The following FHIT variants were observed in gnomAD, a reference collection of about 807,000 sequenced individuals.
FHIT encodes the protein bis(5'-adenosyl)-triphosphatase.
A neutral mutation model predicts 17.9 loss-of-function variants in FHIT; 19 were observed. The observed-to-expected ratio is 1.06, with a 90% CI of 0.74 to 1.56. FHIT has a LOEUF of 1.56. Among genes scored for constraint, FHIT ranks in the 40% most tolerant of loss-of-function variants. The pLI is 0.00. For synonymous variants in FHIT, 81 were observed against 69.7 expected (o/e 1.16, Z -0.81); for missense variants, 248 against 189.2 (o/e 1.31, Z -1.82).
chr3:60,867,787 C>G (rs1553754172), intron 3 of FHIT, among the ~76,000 whole-genome samples: 1 of 152,204 alleles, frequency 6.6e-6, no homozygotes, highest in African/African-American at 2.4e-5. Flanking sequence ...CAGCCTGGGT[C>G]TATCTGAATG....
At position 60,168,200 on chromosome 3, in the gene FHIT, T is replaced by C. The variant is rs59992755; in HGVS notation, c.104-154048A>G. ...AATAAACACTTGAAAGAATTGCCTG[T>C]TGGATGAATGAATGAAACAAGAGAC... On this transcript the variant is annotated intron_variant, in intron 5 of 9. Coordinates refer to ENST00000492590, the MANE Select transcript of FHIT (RefSeq NM_002012.4). Among the ~76,000 whole-genome samples the C allele has an allele frequency of 6.6e-3, 999 of 152,272 alleles. 11 individuals are homozygous for C. The highest frequency in any genetic ancestry group is 0.023 in the African/African-American group (945 of 41,548).
At chr3:61,054,719 A>C (rs12107986) in intron 2 of FHIT, among the ~76,000 whole-genome samples, 4 of 152,020 alleles carry the variant, frequency 2.6e-5, no homozygotes, top group Non-Finnish European at 5.9e-5. Flanking sequence ...CTAAGAGAAC[A>C]CTGGTCTCCT....
intron 5 of FHIT, among the ~76,000 whole-genome samples, chr3:60,500,756 G>A (rs1340220410): frequency 8.5e-6 from 1 of 117,228 alleles, no homozygotes; most frequent in East Asian, 2.7e-4. Context: ...CTGGGTGACA[G>A]AGTGAGCATC....
chr3:60,814,462 A>G (rs1332845792), intron 4 of FHIT, among the ~76,000 whole-genome samples: 4 of 152,074 alleles, frequency 2.6e-5, no homozygotes, highest in Non-Finnish European at 4.4e-5. Flanking sequence ...TGTGGCATTT[A>G]GTTTTCTGTT....
chr3:61,154,897 A>G (rs925423733), intron 2 of FHIT, among the ~76,000 whole-genome samples: 2 of 152,180 alleles, frequency 1.3e-5, no homozygotes, highest in South Asian at 2.1e-4. Flanking sequence ...TCAATAGCTT[A>G]TCTATTCCCT....
chr3:60,746,379 T>C (rs2042356939), intron 4 of FHIT, among the ~76,000 whole-genome samples: 1 of 152,230 alleles, frequency 6.6e-6, no homozygotes, highest in Non-Finnish European at 1.5e-5. Context: ...AACACATTTA[T>C]TTTGAAAATG....
Position 59,810,754 on chromosome 3 carries a change from C to G in FHIT, c.349-58433G>C, listed in dbSNP as rs114003025. Among the ~76,000 whole-genome samples, 550 of 152,246 alleles carry G rather than the reference C, an allele frequency of 3.6e-3. 4 individuals are homozygous for G. The highest frequency in any genetic ancestry group is 0.013 in the African/African-American group (524 of 41,544). ...ACACTGAAAAGGTCAACAGCACTAT[C>G]GAATGCAGCACACTTCAACTTCCTT... On this transcript the variant is annotated intron_variant, in intron 8 of 9. Transcript: ENST00000492590.
At chr3:60,209,906 G>A (rs1211493265) in intron 5 of FHIT, among the ~76,000 whole-genome samples, 2 of 152,098 alleles carry the variant, frequency 1.3e-5, no homozygotes, top group African/African-American at 4.8e-5. Context: ...GACACAGGGA[G>A]GGGAACAACA....
intron 4 of FHIT, among the ~76,000 whole-genome samples, chr3:60,644,670 C>G (rs2039812189): frequency 6.6e-6 from 1 of 152,168 alleles, no homozygotes; most frequent in Non-Finnish European, 1.5e-5. Flanking sequence ...ACAGCAGGCC[C>G]ACGAGTTTGC....
intron 5 of FHIT, among the ~76,000 whole-genome samples, chr3:60,276,189 T>G (rs1378315600): frequency 1.3e-5 from 2 of 152,032 alleles, no homozygotes; most frequent in African/African-American, 4.8e-5. Flanking sequence ...GGTTTCACTG[T>G]GTTAGCCAGG....
At chr3:60,324,573 G>GGAAAAAAAAAAAAAAAAAAAA (rs757433390) in intron 5 of FHIT, among the ~76,000 whole-genome samples, 1 of 128,858 alleles carries the variant, frequency 7.8e-6, no homozygotes, top group African/African-American at 3.0e-5. Flanking sequence ...GACTCCATCA[G>GGAAAAAAAAAAAAAAAAAAAA]AAAAAAAAAA....
intron 5 of FHIT, among the ~76,000 whole-genome samples, chr3:60,274,080 T>C (rs969411132): frequency 6.6e-6 from 1 of 152,168 alleles, no homozygotes; most frequent in Non-Finnish European, 1.5e-5. Flanking sequence ...ATATCTGTTT[T>C]CTCTACTTAA....
Position 59,958,774 on chromosome 3 carries a change from T to C in FHIT, c.280-36360A>G, listed in dbSNP as rs137928974. 3.5e-4 allele frequency among the ~76,000 whole-genome samples: 53 copies of C among 152,318 alleles called. No individual in the cohort carries two copies. In the East Asian group the frequency reaches 8.3e-3, roughly 24 times the overall value. On this transcript the variant is annotated intron_variant, in intron 7 of 9. Coordinates refer to ENST00000492590, the MANE Select transcript of FHIT (RefSeq NM_002012.4). Reference sequence around the variant, plus strand: ...TTCCGGGGCCAACCTTCTATGACTCTCTCCTTTTTTCTCCTCTTCCCTCAC... The same window carrying C: ...TTCCGGGGCCAACCTTCTATGACTCCCTCCTTTTTTCTCCTCTTCCCTCAC...
At chr3:61,209,714 T>A (rs553532442) in intron 1 of FHIT, among the ~76,000 whole-genome samples, 1 of 152,314 alleles carries the variant, frequency 6.6e-6, no homozygotes, top group Admixed American at 6.5e-5. Context: ...GCCATTCATC[T>A]AATTTTTTTT....
chr3:60,678,504 A>C (rs2040673621), intron 4 of FHIT, among the ~76,000 whole-genome samples: 1 of 152,174 alleles, frequency 6.6e-6, no homozygotes, highest in Non-Finnish European at 1.5e-5. Context: ...CAAAATTAGT[A>C]AATATCACCC....
At chr3:61,129,386 AGTGTGCAACTGCTTG>A (rs2036702129) in intron 2 of FHIT, among the ~76,000 whole-genome samples, 1 of 152,152 alleles carries the variant, frequency 6.6e-6, no homozygotes, top group South Asian at 2.1e-4. Context: ...AAATAAGGAG[AGTGTGCAACTGCTTG>A]GTGACAGATT....
At chr3:60,740,021 T>A (rs1553713574) in intron 4 of FHIT, among the ~76,000 whole-genome samples, 1 of 152,246 alleles carries the variant, frequency 6.6e-6, no homozygotes. Context: ...TAGAATATCC[T>A]TCTATCTGAT....
intron 2 of FHIT, among the ~76,000 whole-genome samples, chr3:61,188,395 C>A (rs143158670): frequency 0.046 from 6,992 of 152,202 alleles, 515 homozygotes; most frequent in East Asian, 0.28. Context: ...GAAGTTGAAT[C>A]TCTGAATAGA....
At chr3:60,927,120 C>T (rs1253878771) in intron 3 of FHIT, among the ~76,000 whole-genome samples, 1 of 152,202 alleles carries the variant, frequency 6.6e-6, no homozygotes, top group Non-Finnish European at 1.5e-5. Context: ...CTGCCTCAGC[C>T]TGCCGAGTGC....
Sources: allele counts gnomAD v4.1 joint callset (sites outside exome capture counted in the v4.1 genomes callset), GRCh38; gene constraint gnomAD v4.1.1; transcripts MANE v1.5; gene names NCBI Gene and HGNC (gene_info 2026-07-23, HGNC 2026-07-21).